Variants in ZNRF1 observed in about 807,000 individuals in gnomAD.
ZNRF1 encodes E3 ubiquitin-protein ligase ZNRF1.
In ZNRF1, 3 loss-of-function variants were observed where a neutral mutation model predicts 18.4. The ratio of observed to expected loss-of-function variants is 0.16; its 90% CI spans 0.07 to 0.42. The LOEUF (loss-of-function observed/expected upper bound fraction) is 0.42. Among genes scored for constraint, ZNRF1 ranks in the 10% least tolerant of loss-of-function variants. The pLI is 0.99. For missense variants in ZNRF1, 310 were observed against 329.8 expected, an observed-to-expected ratio of 0.94 and a Z score of 0.47; for synonymous variants, 157 against 144.2, an observed-to-expected ratio of 1.09 and a Z score of -0.64.
At chr16:75,021,195 C>T (rs541440143) in intron 1 of ZNRF1, among the ~76,000 whole-genome samples, 1 of 152,148 alleles carries the variant, frequency 6.6e-6, no homozygotes, top group African/African-American at 2.4e-5. Flanking sequence ...TGTGTGCCAC[C>T]ATGCCGGGCT....
At chr16:75,106,680 G>A in intron 4 of ZNRF1, 109 bp downstream of exon 4, 1 of 780,898 alleles carries the variant, frequency 1.3e-6, no homozygotes. Flanking sequence ...GAAGAAAGCA[G>A]GAGCAGAGGG....
At chr16:75,011,676 A>G (rs139768765) in intron 1 of ZNRF1, among the ~76,000 whole-genome samples, 2 of 152,246 alleles carry the variant, frequency 1.3e-5, no homozygotes, top group African/African-American at 4.8e-5. Flanking sequence ...CTGGAAAGCT[A>G]TAAGCAAGTC....
chr16:75,076,844 C>T (rs950917151), intron 1 of ZNRF1, among the ~76,000 whole-genome samples: 1 of 151,766 alleles, frequency 6.6e-6, no homozygotes, highest in Non-Finnish European at 1.5e-5. Context: ...GAAGAAGAGA[C>T]ACCAGCGCTT....
rs777751926 is a variant in ZNRF1, at chr16:75,000,090, A to T, written c.419A>T (p.His140Leu). The change falls in exon 1 of 5, where the codon CAT (histidine) becomes CTT (leucine). Residue 140 changes from histidine (H) to leucine (L), a missense_variant. Physicochemically the swap from His to Leu is moderately conservative, Grantham distance 99. Around this residue, in one of 2 missense-constraint regions of ZNRF1, gnomAD observed 293 missense variants for 291.2 expected, o/e 1.01. Transcript: ENST00000335325. Reference protein sequence around the residue: ...LHIAPRWFSSHSGFKCPICSK... With the variant: ...LHIAPRWFSSLSGFKCPICSK... Reference sequence around the variant, plus strand: ...ATCGCACCCAGGTGGTTCAGCTCGCATAGTGGTGAGTCCGCGGGTGGTGGA... The same window carrying T: ...ATCGCACCCAGGTGGTTCAGCTCGCTTAGTGGTGAGTCCGCGGGTGGTGGA... 2 of 1,600,140 alleles carry T rather than the reference A, an allele frequency of 1.2e-6. No homozygotes were observed. The highest frequency in any genetic ancestry group is 2.3e-5 in the East Asian group (1 of 44,386).
chr16:75,098,478 T>A (rs977584363), intron 2 of ZNRF1, among the ~76,000 whole-genome samples: 3 of 152,176 alleles, frequency 2.0e-5, no homozygotes, highest in African/African-American at 7.2e-5. Context: ...TAGGCTACAC[T>A]CTCTGCTCAA....
chr16:75,071,898 C>T (rs935455175), intron 1 of ZNRF1, among the ~76,000 whole-genome samples: 2 of 152,108 alleles, frequency 1.3e-5, no homozygotes, highest in Admixed American at 6.5e-5. Flanking sequence ...TCACCCCTGA[C>T]TCCTGCACCT....
At chr16:75,075,381 G>A (rs1191985127) in intron 1 of ZNRF1, among the ~76,000 whole-genome samples, 1 of 152,218 alleles carries the variant, frequency 6.6e-6, no homozygotes, top group Non-Finnish European at 1.5e-5. Flanking sequence ...TGCGGGTTGG[G>A]CAGGAAGCAG....
chr16:75,036,298 T>G (rs561409480), intron 1 of ZNRF1, among the ~76,000 whole-genome samples: 3 of 152,100 alleles, frequency 2.0e-5, no homozygotes, highest in Non-Finnish European at 2.9e-5. Context: ...CCAGGCTAAT[T>G]TTTGTATTTT....
intron 1 of ZNRF1, among the ~76,000 whole-genome samples, chr16:75,087,182 A>G (rs2036084239): frequency 6.6e-6 from 1 of 152,096 alleles, no homozygotes; most frequent in African/African-American, 2.4e-5. Context: ...TGCTCTGTCA[A>G]ATGGTAGGGC....
Position 74,999,701 on chromosome 16 carries a change from C to A in ZNRF1, c.30C>A (p.Arg10=). 1 of 1,361,840 alleles carries A rather than the reference C, an allele frequency of 7.3e-7. No homozygotes were observed. The highest frequency in any genetic ancestry group is 1.8e-5 in the South Asian group (1 of 56,556). The allele number at this position is 1,361,840 out of a possible 1,614,324, so 84.4% of individuals were successfully genotyped here. Residue 10 remains arginine, a synonymous_variant, in exon 1 of 5, where the codon CGC becomes CGA. Transcript: ENST00000335325. MGGKQSTAA[R]SRGPFPGVST... ...GGGGCAAGCAGAGCACGGCGGCCCG[C>A]TCCCGGGGCCCCTTCCCGGGGGTCT... is the stretch of plus-strand genomic sequence containing the variant.
At chr16:75,038,832 A>G (rs1358010270) in intron 1 of ZNRF1, among the ~76,000 whole-genome samples, 31 of 152,162 alleles carry the variant, frequency 2.0e-4, no homozygotes, top group Admixed American at 1.8e-3. Context: ...TACTGATAAG[A>G]GAAATTGAAA....
chr16:75,040,083 C>T (rs1417634423), intron 1 of ZNRF1, among the ~76,000 whole-genome samples: 3 of 114,984 alleles, frequency 2.6e-5, no homozygotes, highest in African/African-American at 4.0e-5. Context: ...CTTACTCTGT[C>T]ACTCAGGCTA....
chr16:75,076,968 G>T (rs2068133027), intron 1 of ZNRF1, among the ~76,000 whole-genome samples: 1 of 152,050 alleles, frequency 6.6e-6, no homozygotes, highest in African/African-American at 2.4e-5. Context: ...AACCTCCAGA[G>T]CCATGAGAGA....
At chr16:75,008,971 G>A (rs1456522097) in intron 1 of ZNRF1, among the ~76,000 whole-genome samples, 2 of 152,044 alleles carry the variant, frequency 1.3e-5, no homozygotes, top group Non-Finnish European at 2.9e-5. Context: ...CAGTATGAGG[G>A]GTCCTCTGTC....
chr16:75,001,476 T>C (rs1193118890), intron 1 of ZNRF1, among the ~76,000 whole-genome samples: 1 of 152,236 alleles, frequency 6.6e-6, no homozygotes, highest in East Asian at 1.9e-4. Flanking sequence ...TTTTCTGACC[T>C]CATGGAACTC....
At chr16:75,076,279 A>G (rs2035940129) in intron 1 of ZNRF1, among the ~76,000 whole-genome samples, 1 of 152,176 alleles carries the variant, frequency 6.6e-6, no homozygotes, top group African/African-American at 2.4e-5. Context: ...CACTTTTGAC[A>G]TCTAACTCTA....
At chr16:75,052,421 A>G (rs995437637) in intron 1 of ZNRF1, among the ~76,000 whole-genome samples, 28 of 151,866 alleles carry the variant, frequency 1.8e-4, no homozygotes, top group African/African-American at 6.5e-4. Flanking sequence ...AAAAGAAAAG[A>G]AAAAGATAAT....
chr16:75,102,470 G>A (rs1278261800), intron 2 of ZNRF1, among the ~76,000 whole-genome samples: 5 of 152,160 alleles, frequency 3.3e-5, no homozygotes, highest in African/African-American at 1.2e-4. Flanking sequence ...CTTTAGTGAC[G>A]GAGAAGGGAT....
In ZNRF1 at chr16:75,000,301, C is replaced by T. The variant is rs1360213225; in HGVS notation, c.424+206C>T. On this transcript the variant is annotated intron_variant, in intron 1 of 4. Coordinates refer to ENST00000335325, the MANE Select transcript of ZNRF1 (RefSeq NM_032268.5). ...GCTGCGGAGCCTGGCGATTTAGGGA[C>T]TCACGGCGTGTGTTCACTTGTGGAA... 4 of 791,302 alleles carry T rather than the reference C, an allele frequency of 5.1e-6. No individual in the cohort carries two copies. The Admixed American group carries it at 8.0e-5, about 16-fold the overall frequency. The allele number at this position is 791,302 out of a possible 1,614,324, so 49.0% of individuals were successfully genotyped here.
Sources: allele counts gnomAD v4.1 joint callset (sites outside exome capture counted in the v4.1 genomes callset), GRCh38; gene constraint gnomAD v4.1.1; regional missense constraint gnomAD v4.1.1; transcripts MANE v1.5; gene names NCBI Gene and HGNC (gene_info 2026-07-23, HGNC 2026-07-21).